NRG1: variants seen among roughly 807,000 people sequenced by gnomAD.
NRG1 encodes neuregulin 1.
NRG1 carries 18 observed loss-of-function variants against 63.8 expected under a neutral mutation model. The ratio of observed to expected loss-of-function variants is 0.28; its 90% CI spans 0.19 to 0.42. NRG1 has a LOEUF of 0.42. NRG1 is among the 10% of genes least tolerant of loss of function. The pLI is 1.00. For synonymous variants in NRG1, 302 were observed against 301.3 expected (o/e 1.00, Z -0.02); for missense variants, 762 against 814.7 (o/e 0.94, Z 0.79).
chr8:32,202,558 A>G (rs1308023644), intron 1 of NRG1, among the ~76,000 whole-genome samples: 1 of 152,116 alleles, frequency 6.6e-6, no homozygotes, highest in Non-Finnish European at 1.5e-5. Flanking sequence ...TGTGTCCTGA[A>G]TTCTTGTTCA....
At chr8:32,480,500 A>C (rs13280473) in intron 1 of NRG1, among the ~76,000 whole-genome samples, 1 of 149,942 alleles carries the variant, frequency 6.7e-6, no homozygotes, top group Non-Finnish European at 1.5e-5. Flanking sequence ...CAAAAAAAAC[A>C]AAAAAAACGA....
At chr8:32,438,279 G>T (rs1247926696) in intron 1 of NRG1, among the ~76,000 whole-genome samples, 1 of 152,078 alleles carries the variant, frequency 6.6e-6, no homozygotes, top group Non-Finnish European at 1.5e-5. Context: ...ATAACTTTCA[G>T]GTATTGGTTT....
At chr8:32,641,959 G>C (rs1305387733) in intron 5 of NRG1, among the ~76,000 whole-genome samples, 2 of 152,140 alleles carry the variant, frequency 1.3e-5, no homozygotes. Flanking sequence ...TAGCTGGGGA[G>C]AGAGGAATGA....
chr8:32,677,184 A>G (rs1282007519), intron 5 of NRG1, among the ~76,000 whole-genome samples: 4 of 152,088 alleles, frequency 2.6e-5, no homozygotes, highest in African/African-American at 9.7e-5. Flanking sequence ...ACAGGTGAAT[A>G]ATTTTGAAAT....
At chr8:31,828,885 T>C (rs1046130150) in intron 1 of NRG1, among the ~76,000 whole-genome samples, 5 of 152,228 alleles carry the variant, frequency 3.3e-5, no homozygotes, top group Admixed American at 2.6e-4. Context: ...ATTTGTGTAC[T>C]TACACACTTA....
chr8:32,543,483 A>C (rs898519332), upstream of NRG1, among the ~76,000 whole-genome samples: 9 of 152,270 alleles, frequency 5.9e-5, no homozygotes, highest in Non-Finnish European at 1.3e-4. Flanking sequence ...GTTTTCAAAA[A>C]TGATTGTCTT....
At chr8:31,849,662 T>C (rs1827027331) in intron 1 of NRG1, among the ~76,000 whole-genome samples, 1 of 152,186 alleles carries the variant, frequency 6.6e-6, no homozygotes, top group Admixed American at 6.5e-5. Context: ...TGCTGACCCA[T>C]CTTTGACGCT....
At chr8:32,274,050 A>T (rs1851823904) in intron 1 of NRG1, among the ~76,000 whole-genome samples, 1 of 152,228 alleles carries the variant, frequency 6.6e-6, no homozygotes, top group Non-Finnish European at 1.5e-5. Context: ...CAATTTGAAC[A>T]CATGGCTGGT....
chr8:32,684,265 A>G (rs2128922702), intron 5 of NRG1, among the ~76,000 whole-genome samples: 1 of 152,330 alleles, frequency 6.6e-6, no homozygotes, highest in Non-Finnish European at 1.5e-5. Flanking sequence ...TCAGGCTTAT[A>G]CTCAGATCTC....
Position 32,057,062 on chromosome 8 carries a change from G to A in NRG1, c.37+417631G>A, listed in dbSNP as rs116998559. ...ATGCAATCACCAAATACAGTTTCTG[G>A]GACACCTTCAAAGATGTCAGCTTCT... is the stretch of plus-strand genomic sequence containing the variant. On this transcript the variant is annotated intron_variant, in intron 1 of 10. Coordinates refer to the NRG1 transcript ENST00000519301. Among the ~76,000 whole-genome samples the A allele has an allele frequency of 1.6e-3, 244 of 152,060 alleles. 1 individual carries two copies. The highest frequency in any genetic ancestry group is 1.3e-3 in the Non-Finnish European group (85 of 67,972).
At chr8:32,513,182 TGTG>T (rs1195130003) in intron 1 of NRG1, among the ~76,000 whole-genome samples, 4 of 146,844 alleles carry the variant, frequency 2.7e-5, no homozygotes, top group Admixed American at 7.0e-5. Context: ...TGTGTGTGTG[TGTG>T]TGTGTGTATG....
At position 32,690,938 on chromosome 8, in the gene NRG1, AGTGTGTGTGTGTGTGTGT is replaced by A. The variant is rs113081002; in HGVS notation, c.503-36986_503-36969del. On this transcript the variant is annotated intron_variant, in intron 5 of 11. Coordinates refer to ENST00000356819, the Ensembl canonical transcript of NRG1. ...TTGGAGATTTTATTGTTTCCCTCTC[AGTGTGTGTGTGTGTGTGT>A]GTGTGTGTGTGTGTGTGTGTGTGTT... Among the ~76,000 whole-genome samples the A allele has an allele frequency of 1.1e-4, 15 of 131,176 alleles. No individual in the cohort carries two copies. The South Asian group carries it at 3.0e-3, about 26-fold the overall frequency. The allele number at this position is 131,176 out of a possible 152,430, so 86.1% of individuals were successfully genotyped here.
chr8:32,589,743 T>G (rs146335919), intron 1 of NRG1, among the ~76,000 whole-genome samples: 1 of 152,336 alleles, frequency 6.6e-6, no homozygotes, highest in East Asian at 1.9e-4. Flanking sequence ...CAGTACAATA[T>G]TCGATATAGC....
At chr8:31,901,287 T>C (rs1341616960) in intron 1 of NRG1, among the ~76,000 whole-genome samples, 1 of 152,216 alleles carries the variant, frequency 6.6e-6, no homozygotes, top group Non-Finnish European at 1.5e-5. Flanking sequence ...CTTTCTCTTC[T>C]ACATGTAACA....
chr8:31,878,587 G>C (rs1336822990), intron 1 of NRG1, among the ~76,000 whole-genome samples: 14 of 152,180 alleles, frequency 9.2e-5, no homozygotes, highest in Non-Finnish European at 1.6e-4. Context: ...TATCATCTTA[G>C]AGTTTCTGTG....
intron 1 of NRG1, among the ~76,000 whole-genome samples, chr8:32,222,462 G>A (rs1845918423): frequency 6.6e-6 from 1 of 151,886 alleles, no homozygotes; most frequent in Non-Finnish European, 1.5e-5. Flanking sequence ...CTTTGAAACT[G>A]TTAACCCCTA....
intron 1 of NRG1, among the ~76,000 whole-genome samples, chr8:32,454,343 A>G (rs1173661733): frequency 1.3e-5 from 2 of 152,154 alleles, no homozygotes; most frequent in East Asian, 3.9e-4. Flanking sequence ...TTTTCTAAAA[A>G]CAGTATAATA....
At chr8:32,766,868 C>G (rs1564150023) in exon 12 of NRG1, 2 of 152,120 alleles carry the variant, frequency 1.3e-5, no homozygotes, top group Non-Finnish European at 2.9e-5. Context: ...ACAGGGGTAT[C>G]TCTGTGATGC....
chr8:32,588,400 T>C (rs1006451573), intron 1 of NRG1, among the ~76,000 whole-genome samples: 1 of 152,156 alleles, frequency 6.6e-6, no homozygotes, highest in Non-Finnish European at 1.5e-5. Context: ...AGCAGTTAAT[T>C]GTGAGAAGTG....
Sources: gnomAD v4.1 joint callset for allele counts (sites outside exome capture counted in the v4.1 genomes callset) on GRCh38, gnomAD v4.1.1 for gene constraint, MANE v1.5 for transcripts, NCBI Gene and HGNC (gene_info 2026-07-23, HGNC 2026-07-21) for gene names.